The following TOX variants were observed in gnomAD, a reference collection of about 807,000 sequenced individuals.
TOX encodes thymocyte selection associated high mobility group box.
A neutral mutation model predicts 53.7 loss-of-function variants in TOX; 11 were observed. The ratio of observed to expected loss-of-function variants is 0.20; its 90% CI spans 0.13 to 0.34. TOX has a LOEUF of 0.34. TOX is among the 10% of genes least tolerant of loss of function. The probability of loss-of-function intolerance (pLI) is 1.00; values close to 1 mark genes in which losing one functional copy is unlikely to be tolerated. For synonymous variants in TOX, 225 were observed against 245.3 expected (o/e 0.92, Z 0.77); for missense variants, 570 against 664.6 (o/e 0.86, Z 1.56).
chr8:58,896,234 A>G (rs987060307), intron 3 of TOX, among the ~76,000 whole-genome samples: 2 of 152,126 alleles, frequency 1.3e-5, no homozygotes, highest in Non-Finnish European at 2.9e-5. Flanking sequence ...CCCTGGCTGC[A>G]TAAGGACGCA....
intron 1 of TOX, among the ~76,000 whole-genome samples, chr8:59,073,495 T>C (rs1197928518): frequency 1.3e-5 from 2 of 152,206 alleles, no homozygotes; most frequent in Non-Finnish European, 1.5e-5. Flanking sequence ...CTGAGGATCA[T>C]GCTTCTTGTA....
chr8:58,806,026 GACTA>G lies in TOX; in HGVS notation c.*1717_*1720del, dbSNP rs1472119084. 1 of 152,574 alleles carries G rather than the reference GACTA, an allele frequency of 6.6e-6. No individual in the cohort carries two copies. The highest frequency in any genetic ancestry group is 1.5e-5 in the Non-Finnish European group (1 of 68,036). The allele number at this position is 152,574 out of a possible 1,614,324, so 9.5% of individuals were successfully genotyped here. ...CAGCCATTCTCTTGGTTTCCAACCA[GACTA>G]ACTTTCTTGATATGATCCCCTAAAA... On this transcript the variant is annotated 3_prime_UTR_variant, in exon 9 of 9. Transcript: ENST00000361421.
chr8:58,918,949 T>A (rs914350587), intron 3 of TOX, among the ~76,000 whole-genome samples: 1 of 151,696 alleles, frequency 6.6e-6, no homozygotes, highest in African/African-American at 2.4e-5. Context: ...TGAACTCCCA[T>A]TCACAATTGC....
intron 4 of TOX, among the ~76,000 whole-genome samples, chr8:58,848,479 A>G (rs528699688): frequency 2.0e-5 from 3 of 152,240 alleles, no homozygotes; most frequent in Non-Finnish European, 4.4e-5. Flanking sequence ...CAGATAAAAC[A>G]TGGATATTTT....
chr8:58,981,604 T>C (rs1416562914), intron 1 of TOX, among the ~76,000 whole-genome samples: 1 of 152,064 alleles, frequency 6.6e-6, no homozygotes, highest in Non-Finnish European at 1.5e-5. Context: ...TTCCGTTGAG[T>C]TTCCATCACA....
chr8:58,995,028 C>T (rs1813534477), intron 1 of TOX, among the ~76,000 whole-genome samples: 1 of 152,206 alleles, frequency 6.6e-6, no homozygotes, highest in South Asian at 2.1e-4. Flanking sequence ...CCCTATTAGA[C>T]TATGAGCTCA....
chr8:59,035,441 C>T (rs1313149205), intron 1 of TOX, among the ~76,000 whole-genome samples: 1 of 152,174 alleles, frequency 6.6e-6, no homozygotes, highest in Admixed American at 6.5e-5. Context: ...CAGAGGCAAT[C>T]ACAGCTCACT....
chr8:59,013,025 C>T (rs966173044), intron 1 of TOX, among the ~76,000 whole-genome samples: 1 of 151,960 alleles, frequency 6.6e-6, no homozygotes, highest in Non-Finnish European at 1.5e-5. Context: ...TTTTAATTAT[C>T]CAGCAATTCT....
rs186835552 is a variant in TOX, at chr8:58,890,271, C to A, written c.412-38466G>T. Among the ~76,000 whole-genome samples, 231 of 152,198 alleles carry A rather than the reference C, an allele frequency of 1.5e-3. 1 individual carries two copies. The highest frequency in any genetic ancestry group is 5.3e-3 in the African/African-American group (219 of 41,534). On this transcript the variant is annotated intron_variant, in intron 3 of 8. Coordinates refer to ENST00000361421, the MANE Select transcript of TOX (RefSeq NM_014729.3). ...TCACAGGACTTAAGACATGCATCAA[C>A]AATTAAAAGCAGAATGTGGTAGAGT...
chr8:58,825,044 T>C (rs1441891326), intron 6 of TOX, among the ~76,000 whole-genome samples: 1 of 152,208 alleles, frequency 6.6e-6, no homozygotes, highest in Non-Finnish European at 1.5e-5. Context: ...ATATGACTGG[T>C]TATTATTTGC....
At chr8:59,107,955 G>A (rs946089590) in intron 1 of TOX, among the ~76,000 whole-genome samples, 5 of 151,858 alleles carry the variant, frequency 3.3e-5, no homozygotes, top group Admixed American at 2.6e-4. Context: ...CCCTTTCCCC[G>A]CCCCCAAAAC....
chr8:59,011,834 G>T (rs1455689248), intron 1 of TOX, among the ~76,000 whole-genome samples: 1 of 152,112 alleles, frequency 6.6e-6, no homozygotes, highest in East Asian at 1.9e-4. Context: ...ACATCTTAAT[G>T]TCTCTCCTGC....
chr8:58,874,020 C>CCAAGCATG (rs1295687236), intron 3 of TOX, among the ~76,000 whole-genome samples: 2 of 113,158 alleles, frequency 1.8e-5, no homozygotes, highest in Admixed American at 1.2e-4. Context: ...CTATTGTTGG[C>CCAAGCATG]CAAGCATGAC....
chr8:58,976,024 A>G (rs1367119966), intron 1 of TOX, among the ~76,000 whole-genome samples: 1 of 151,968 alleles, frequency 6.6e-6, no homozygotes, highest in Admixed American at 6.6e-5. Flanking sequence ...GTGAGCCGGG[A>G]TTGCACCACT....
At chr8:58,997,666 A>G (rs1333159182) in intron 1 of TOX, among the ~76,000 whole-genome samples, 7 of 152,270 alleles carry the variant, frequency 4.6e-5, no homozygotes, top group Non-Finnish European at 7.3e-5. Flanking sequence ...GTTCAGAGTC[A>G]CAGCCAATGG....
intron 1 of TOX, among the ~76,000 whole-genome samples, chr8:59,101,749 T>G (rs1804809894): frequency 1.3e-5 from 2 of 152,134 alleles, no homozygotes; most frequent in Admixed American, 1.3e-4. Context: ...AAAACCAGAT[T>G]AAGGCTAAAA....
intron 1 of TOX, among the ~76,000 whole-genome samples, chr8:59,105,699 A>G (rs1804888035): frequency 6.6e-6 from 1 of 151,988 alleles, no homozygotes; most frequent in African/African-American, 2.4e-5. Flanking sequence ...CCTACTTATT[A>G]CTCTAGTTAT....
chr8:58,999,158 G>A (rs1421227673), intron 1 of TOX, among the ~76,000 whole-genome samples: 2 of 152,100 alleles, frequency 1.3e-5, no homozygotes, highest in Non-Finnish European at 2.9e-5. Context: ...CTAGTGCAAA[G>A]GAAGAAACAA....
intron 1 of TOX, among the ~76,000 whole-genome samples, chr8:58,970,869 T>C (rs1046539244): frequency 6.6e-6 from 1 of 152,226 alleles, no homozygotes; most frequent in African/African-American, 2.4e-5. Context: ...ATTTATTCCA[T>C]ATTCTTTCAT....
Sources: gnomAD v4.1 joint callset for allele counts (sites outside exome capture counted in the v4.1 genomes callset) on GRCh38, gnomAD v4.1.1 for gene constraint, MANE v1.5 for transcripts, NCBI Gene and HGNC (gene_info 2026-07-23, HGNC 2026-07-21) for gene names.